ZFHX3: variants seen among roughly 807,000 people sequenced by gnomAD.
ZFHX3 encodes the protein zinc finger homeobox 3, also known as zinc finger homeobox protein 3.
Under a neutral mutation model 279.1 loss-of-function variants are expected in ZFHX3, and 42 were observed. That is an observed-to-expected ratio of 0.15 (90% CI 0.12 to 0.19). ZFHX3 has a LOEUF of 0.19. Ranked by LOEUF, ZFHX3 falls within the 10% of genes least tolerant of loss-of-function variation. ZFHX3 has a pLI of 1.00. For synonymous variants in ZFHX3, 2,293 were observed against 1,957.8 expected (o/e 1.17, Z -4.52); for missense variants, 4,981 against 4,754.0 (o/e 1.05, Z -1.40).
At chr16:73,045,128 G>C (rs1013699447) in intron 1 of ZFHX3, among the ~76,000 whole-genome samples, 2 of 152,120 alleles carry the variant, frequency 1.3e-5, no homozygotes, top group Non-Finnish European at 2.9e-5. Context: ...ATACTTTGTA[G>C]GTGGAAGAAA....
In ZFHX3 at chr16:73,547,195, C is replaced by T. The variant is rs115743414; in HGVS notation, c.-1546-90937G>A. Among the ~76,000 whole-genome samples the T allele has an allele frequency of 3.6e-3, 544 of 152,192 alleles. 8 individuals are homozygous for T. Among genetic ancestry groups the T allele is most frequent in the African/African-American group, 0.012 (513 of 41,528 alleles). On this transcript the variant is annotated intron_variant, in intron 2 of 17. Transcript: ENST00000641206. ...AGCTAGGGTACATGCCCCATTTCCT[C>T]CCCTCCTGCACATCGGCTATGGTAC... is the stretch of plus-strand genomic sequence containing the variant.
intron 5 of ZFHX3, among the ~76,000 whole-genome samples, chr16:73,153,482 G>T (rs1373858701): frequency 6.6e-6 from 1 of 152,064 alleles, no homozygotes; most frequent in Non-Finnish European, 1.5e-5. Context: ...ATTGAAAATG[G>T]CCTCAACACA....
At chr16:73,212,172 A>AG (rs983103823) in intron 5 of ZFHX3, among the ~76,000 whole-genome samples, 4 of 102,486 alleles carry the variant, frequency 3.9e-5, no homozygotes, top group Non-Finnish European at 6.8e-5. Flanking sequence ...AGAAAAAAAA[A>AG]AAAGCACCCA....
chr16:73,702,941 G>A (rs1016394742), intron 1 of ZFHX3, among the ~76,000 whole-genome samples: 4 of 152,118 alleles, frequency 2.6e-5, no homozygotes, highest in Admixed American at 6.6e-5. Flanking sequence ...AATGGTGTCG[G>A]TATAATTATG....
chr16:73,082,713 C>A, intron 8 of ZFHX3, among the ~76,000 whole-genome samples: 1 of 152,066 alleles, frequency 6.6e-6, no homozygotes, highest in East Asian at 1.9e-4. Context: ...CTCAGCAGTC[C>A]CAATTGTTTC....
intron 1 of ZFHX3, among the ~76,000 whole-genome samples, chr16:73,726,265 A>C (rs966772835): frequency 1.3e-5 from 2 of 152,192 alleles, no homozygotes; most frequent in African/African-American, 2.4e-5. Context: ...GTAAATGTGT[A>C]ACAAAGTGCG....
intron 4 of ZFHX3, among the ~76,000 whole-genome samples, chr16:72,847,745 C>A (rs1014764960): frequency 1.2e-4 from 18 of 151,986 alleles, no homozygotes; most frequent in Admixed American, 9.2e-4. Context: ...AACAAGCAGA[C>A]GCAAAGCAGG....
chr16:73,753,114 CAAG>C (rs1339412057), intron 1 of ZFHX3, among the ~76,000 whole-genome samples: 1 of 152,152 alleles, frequency 6.6e-6, no homozygotes, highest in Non-Finnish European at 1.5e-5. Flanking sequence ...TTCCTAAGCA[CAAG>C]AAGGCTGTGA....
intron 6 of ZFHX3, among the ~76,000 whole-genome samples, chr16:73,139,791 G>A (rs371833020): frequency 7.2e-5 from 11 of 152,332 alleles, no homozygotes; most frequent in Admixed American, 5.2e-4. Context: ...ATGCTTTCAA[G>A]TTCATCCTCA....
At chr16:73,026,695 A>AAAAAC (rs55862025) in intron 1 of ZFHX3, among the ~76,000 whole-genome samples, 2 of 147,798 alleles carry the variant, frequency 1.4e-5, no homozygotes, top group African/African-American at 5.1e-5. Flanking sequence ...AAAAAAAAAA[A>AAAAAC]CACATAGTAA....
intron 1 of ZFHX3, among the ~76,000 whole-genome samples, chr16:72,975,750 A>G (rs894662302): frequency 6.6e-6 from 1 of 152,172 alleles, no homozygotes; most frequent in Admixed American, 6.5e-5. Flanking sequence ...GAACCAAGTG[A>G]CTGTGGGCAA....
chr16:72,929,037 A>G (rs1273669773), intron 3 of ZFHX3, among the ~76,000 whole-genome samples: 1 of 152,062 alleles, frequency 6.6e-6, no homozygotes, highest in Non-Finnish European at 1.5e-5. Context: ...CAGGAGTTCA[A>G]GAACAGTCAG....
chr16:73,296,167 G>T (rs975064393), intron 4 of ZFHX3, among the ~76,000 whole-genome samples: 1 of 151,858 alleles, frequency 6.6e-6, no homozygotes, highest in African/African-American at 2.4e-5. Flanking sequence ...GTAGGCAATT[G>T]TTTCATATTA....
chr16:72,902,376 T>G, intron 3 of ZFHX3, among the ~76,000 whole-genome samples: 1 of 152,136 alleles, frequency 6.6e-6, no homozygotes, highest in East Asian at 1.9e-4. Context: ...CTTAATGAGG[T>G]GGGGCTGAGG....
intron 1 of ZFHX3, chr16:73,058,485 G>GGGGT: frequency 5.7e-6 from 1 of 175,144 alleles, no homozygotes; most frequent in Non-Finnish European, 1.2e-5. Flanking sequence ...GGAGCAGGCG[G>GGGGT]CGGCGGCGGC....
At chr16:73,882,767 G>C (rs1301910651) in intron 1 of ZFHX3, among the ~76,000 whole-genome samples, 1 of 151,798 alleles carries the variant, frequency 6.6e-6, no homozygotes, top group African/African-American at 2.4e-5. Context: ...AAGCTTCTTG[G>C]GTGCCAAGTG....
chr16:73,751,051 G>A (rs1438285755), intron 1 of ZFHX3, among the ~76,000 whole-genome samples: 1 of 152,158 alleles, frequency 6.6e-6, no homozygotes, highest in Non-Finnish European at 1.5e-5. Context: ...GCAGTATTTT[G>A]CATCCATTTA....
intron 2 of ZFHX3, among the ~76,000 whole-genome samples, chr16:73,565,042 C>G (rs1278144994): frequency 6.6e-6 from 1 of 152,136 alleles, no homozygotes; most frequent in African/African-American, 2.4e-5. Context: ...CACCTGAGGT[C>G]AAGAGATTGC....
At position 72,787,701 on chromosome 16, in the gene ZFHX3, G is replaced by GCCA. The variant is rs2035472224; in HGVS notation, c.10574_10575insTGG (p.Gly3527dup). On this transcript the variant is annotated inframe_insertion, in exon 10 of 10. Transcript: ENST00000268489. ...ACGCCAGGCAGTGGTACGAGCCGCCGCCGCCGCCGCCGCCGCCACCGCCGC... is the reference window on the plus strand; with the variant it reads ...ACGCCAGGCAGTGGTACGAGCCGCCGCCACCGCCGCCGCCGCCGCCACCGCCGC... 2.3e-6 allele frequency: 3 copies of GCCA among 1,322,492 alleles called. No individual in the cohort carries two copies. The highest frequency in any genetic ancestry group is 1.5e-5 in the African/African-American group (1 of 65,734). 81.9% of individuals were successfully genotyped at this position (1,322,492 alleles called of 1,614,324 possible).
Sources: allele counts gnomAD v4.1 joint callset (sites outside exome capture counted in the v4.1 genomes callset), GRCh38; gene constraint gnomAD v4.1.1; transcripts MANE v1.5; gene names NCBI Gene and HGNC (gene_info 2026-07-23, HGNC 2026-07-21).